EYS: variants seen among roughly 807,000 people sequenced by gnomAD.
The protein encoded by EYS is EGF-like photoreceptor maintenance factor, also known as protein eyes shut homolog.
Under a neutral mutation model 282.1 loss-of-function variants are expected in EYS, and 250 were observed. The ratio of observed to expected loss-of-function variants is 0.89; its 90% confidence interval spans 0.80 to 0.98. EYS has a LOEUF of 0.98. EYS is among the 50% of genes least tolerant of loss of function. The probability of loss-of-function intolerance (pLI) is 0.00; values close to 1 mark genes in which losing one functional copy is unlikely to be tolerated. For synonymous variants in EYS, 1,355 were observed against 1,282.9 expected (o/e 1.06, Z -1.20); for missense variants, 4,016 against 3,709.0 (o/e 1.08, Z -2.15).
intron 31 of EYS, among the ~76,000 whole-genome samples, chr6:64,125,913 CTTCTT>C (rs1562214108): frequency 1.4e-5 from 2 of 142,310 alleles, no homozygotes. Context: ...GCACTATTCT[CTTCTT>C]TTTTTTTTTT....
intron 31 of EYS, among the ~76,000 whole-genome samples, chr6:64,127,064 G>A (rs1170990008): frequency 6.6e-6 from 1 of 152,046 alleles, no homozygotes; most frequent in African/African-American, 2.4e-5. Flanking sequence ...AACTCTGAAA[G>A]GCAAATGTTT....
intron 4 of EYS, among the ~76,000 whole-genome samples, chr6:65,494,128 A>T (rs1480928550): frequency 1.3e-5 from 2 of 152,124 alleles, no homozygotes; most frequent in Non-Finnish European, 2.9e-5. Context: ...ACTATTAAAC[A>T]TGTTTCTAAG....
intron 35 of EYS, among the ~76,000 whole-genome samples, chr6:63,885,397 AC>A (rs1282756165): frequency 6.6e-6 from 1 of 151,836 alleles, no homozygotes; most frequent in Admixed American, 6.6e-5. Flanking sequence ...TAATTTAAGG[AC>A]TCTTCCAGTG....
At chr6:63,733,420 T>C (rs948123298) in intron 41 of EYS, among the ~76,000 whole-genome samples, 1 of 152,152 alleles carries the variant, frequency 6.6e-6, no homozygotes, top group Non-Finnish European at 1.5e-5. Flanking sequence ...AGGTAGTTTT[T>C]CAGCCCTTGT....
At chr6:65,605,907 A>G (rs1211810038) in intron 2 of EYS, among the ~76,000 whole-genome samples, 1 of 151,682 alleles carries the variant, frequency 6.6e-6, no homozygotes, top group East Asian at 1.9e-4. Context: ...TGGAAATGCT[A>G]TATTGTGGTC....
intron 31 of EYS, among the ~76,000 whole-genome samples, chr6:64,208,576 C>T (rs953545915): frequency 4.0e-5 from 6 of 151,802 alleles, no homozygotes; most frequent in African/African-American, 1.5e-4. Flanking sequence ...ACCTAGATTA[C>T]CTGAGGTAAA....
chr6:64,159,561 A>T (rs900481680), intron 31 of EYS, among the ~76,000 whole-genome samples: 2 of 18,796 alleles, frequency 1.1e-4, no homozygotes, highest in East Asian at 1.4e-3. Flanking sequence ...CTCTGTCTTA[A>T]AAAAAAAAAA....
intron 5 of EYS, among the ~76,000 whole-genome samples, chr6:65,430,515 T>C (rs953809690): frequency 6.6e-6 from 1 of 152,130 alleles, no homozygotes; most frequent in African/African-American, 2.4e-5. Context: ...AGCACTGAAC[T>C]AAGCTGATAC....
At chr6:64,143,756 CA>C (rs1285193820) in intron 31 of EYS, among the ~76,000 whole-genome samples, 1 of 152,180 alleles carries the variant, frequency 6.6e-6, no homozygotes, top group East Asian at 1.9e-4. Flanking sequence ...CTTTATTCCA[CA>C]AAATGTTTTT....
intron 30 of EYS, among the ~76,000 whole-genome samples, chr6:64,257,289 C>T (rs952121356): frequency 3.3e-5 from 5 of 151,962 alleles, no homozygotes; most frequent in African/African-American, 4.8e-5. Flanking sequence ...GTTCATGATC[C>T]GTCTATTCTC....
chr6:65,031,237 T>C (rs1259549064), intron 13 of EYS, among the ~76,000 whole-genome samples: 2 of 151,098 alleles, frequency 1.3e-5, no homozygotes, highest in Non-Finnish European at 1.5e-5. Flanking sequence ...TAAAACAAGT[T>C]CTTAGAGATC....
chr6:64,139,166 T>C (rs1203883106), intron 31 of EYS, among the ~76,000 whole-genome samples: 1 of 152,158 alleles, frequency 6.6e-6, no homozygotes, highest in Non-Finnish European at 1.5e-5. Context: ...AGAAAATGTA[T>C]GGAAAATCAA....
intron 28 of EYS, among the ~76,000 whole-genome samples, chr6:64,426,988 T>C (rs1324859000): frequency 6.6e-6 from 1 of 152,152 alleles, no homozygotes; most frequent in East Asian, 1.9e-4. Context: ...CAAAGCTTTT[T>C]CTAAAAAAAA....
chr6:65,034,325 G>A (rs1283538855), intron 13 of EYS, among the ~76,000 whole-genome samples: 1 of 152,132 alleles, frequency 6.6e-6, no homozygotes. Context: ...AAGGATGATT[G>A]TATTTTTTGA....
chr6:65,124,726 C>T (rs1056009770), intron 12 of EYS, among the ~76,000 whole-genome samples: 27 of 152,248 alleles, frequency 1.8e-4, no homozygotes, highest in African/African-American at 6.5e-4. Flanking sequence ...CAGAAACTAA[C>T]ACTGACCTAG....
At chr6:65,044,239 T>C (rs76735038) in intron 13 of EYS, among the ~76,000 whole-genome samples, 11,921 of 151,886 alleles carry the variant, frequency 0.078, 610 homozygotes, top group African/African-American at 0.15. Flanking sequence ...CCAGGTTGTG[T>C]GTTTTTTGTT....
intron 1 of EYS, among the ~76,000 whole-genome samples, chr6:65,649,561 ATTGAACTGGT>A (rs1477630827): frequency 3.9e-5 from 6 of 152,218 alleles, no homozygotes; most frequent in Non-Finnish European, 8.8e-5. Flanking sequence ...AGAAACGAGG[ATTGAACTGGT>A]TTGATCCATG....
intron 28 of EYS, among the ~76,000 whole-genome samples, chr6:64,429,358 C>T (rs1774509791): frequency 6.6e-6 from 1 of 152,136 alleles, no homozygotes. Flanking sequence ...AGGCCAGGTG[C>T]AGTGGCTCAG....
At chr6:64,834,971 T>A (rs1276414962) in intron 19 of EYS, among the ~76,000 whole-genome samples, 1 of 151,684 alleles carries the variant, frequency 6.6e-6, no homozygotes. Context: ...TGAAGTAACA[T>A]CTTCTGATTT....
Sources: gnomAD v4.1 joint callset for allele counts (sites outside exome capture counted in the v4.1 genomes callset) on GRCh38, gnomAD v4.1.1 for gene constraint, MANE v1.5 for transcripts, NCBI Gene and HGNC (gene_info 2026-07-23, HGNC 2026-07-21) for gene names.